CCDC66: variants seen among roughly 807,000 people sequenced by gnomAD.
The protein encoded by CCDC66 is coiled-coil domain-containing protein 66.
A neutral mutation model predicts 128.3 loss-of-function variants in CCDC66; 133 were observed. The ratio of observed to expected loss-of-function variants is 1.04; its 90% CI spans 0.90 to 1.20. The LOEUF is 1.20. Among genes scored for constraint, CCDC66 ranks in the 50% most tolerant of loss-of-function variants. The probability of loss-of-function intolerance (pLI) is 0.00; values close to 1 mark genes in which losing one functional copy is unlikely to be tolerated. For synonymous variants in CCDC66, 387 were observed against 357.0 expected (o/e 1.08, Z -0.95); for missense variants, 1,126 against 1,075.5 (o/e 1.05, Z -0.66).
intron 7 of CCDC66, among the ~76,000 whole-genome samples, chr3:56,571,864 G>A (rs574909830): frequency 6.6e-6 from 1 of 152,068 alleles, no homozygotes; most frequent in Non-Finnish European, 1.5e-5. Context: ...TACTACAGGT[G>A]TACTCCACCA....
intron 10 of CCDC66, among the ~76,000 whole-genome samples, chr3:56,611,129 T>C (rs767072180): frequency 5.9e-5 from 9 of 152,026 alleles, no homozygotes; most frequent in Non-Finnish European, 8.8e-5. Flanking sequence ...GCCCTAGAAC[T>C]CTCAAGATTA....
At chr3:56,571,084 A>T in intron 6 of CCDC66, 97 bp from the exon 7 acceptor site, 1 of 823,372 alleles carries the variant, frequency 1.2e-6, no homozygotes, top group East Asian at 3.0e-5. Flanking sequence ...TTTTGATTAG[A>T]TCTGTGTTGG....
At chr3:56,619,740 T>G (rs764821849) in intron 16 of CCDC66, 37 bp from the exon 17 acceptor site, 2 of 1,609,092 alleles carry the variant, frequency 1.2e-6, no homozygotes, top group East Asian at 2.2e-5. Context: ...ATTTTACTAA[T>G]GTAATTGACT....
Position 56,617,141 on chromosome 3 carries a change from G to A in CCDC66, c.1873G>A (p.Ala625Thr). 1.9e-6 allele frequency: 3 copies of A among 1,572,048 alleles called. No individual in the cohort carries two copies. Residue 625 changes from alanine to threonine, a missense_variant, in exon 14 of 18, where the codon GCA (alanine) becomes ACA (threonine). Transcript: ENST00000394672. The stretch of plus-strand genomic sequence containing the variant: ...CTTAAATATAGGAATATTCACCAAT[G>A]CAGAATCACATTGTGGATCATTAAT... ...DDLNIGIFTN[A>T]ESHCGSLMER...
At chr3:56,616,968 TGA>T (rs1330875641) in intron 13 of CCDC66, 142 bp from the exon 14 acceptor site, 2 of 558,626 alleles carry the variant, frequency 3.6e-6, no homozygotes, top group Non-Finnish European at 2.9e-6. Context: ...TGTTCTTTAA[TGA>T]GTATAGAGGT....
In CCDC66 at chr3:56,619,716, C is replaced by T. The variant is rs2076101498; in HGVS notation, c.2636-61C>T. 4 of 1,590,334 alleles carry T rather than the reference C, an allele frequency of 2.5e-6. No homozygotes were observed. In the South Asian group the frequency reaches 3.4e-5, roughly 14 times the overall value. ...AATGACTCCTGACAATATTATATAG[C>T]ACAGGGCTATGTCATTTTACTAATG... On this transcript the variant is annotated intron_variant, in intron 16 of 17. Coordinates refer to ENST00000394672, the MANE Select transcript of CCDC66 (RefSeq NM_001141947.3).
At position 56,593,617 on chromosome 3, in the gene CCDC66, C is replaced by A. The variant is rs1485554948; in HGVS notation, c.1195C>A (p.Gln399Lys). Residue 399 changes from glutamine to lysine, a missense_variant, in exon 9 of 18, where the codon CAG (glutamine) becomes AAG (lysine). Gln to Lys is a moderately conservative substitution (Grantham distance 53). Transcript: ENST00000394672. ...PEYFCVSPDTQELADVSSVCT... is the reference protein window; with the variant it reads ...PEYFCVSPDTKELADVSSVCT... ...GTACTTCTGTGTCTCTCCTGACACT[C>A]AGGAGCTGGCTGATGTCAGCAGTGT... 1 of 1,613,534 alleles carries A rather than the reference C, an allele frequency of 6.2e-7. No individual in the cohort carries two copies. Among genetic ancestry groups the A allele is most frequent in the African/African-American group, 1.3e-5 (1 of 74,440 alleles).
chr3:56,612,834 G>A (rs1298323530), intron 10 of CCDC66, among the ~76,000 whole-genome samples: 2 of 152,208 alleles, frequency 1.3e-5, no homozygotes, highest in Non-Finnish European at 1.5e-5. Flanking sequence ...TTGGTTACTG[G>A]TGGAGATGCA....
chr3:56,594,652 C>T lies in CCDC66; in HGVS notation c.1404+624C>T, dbSNP rs148990128. On this transcript the variant is annotated intron_variant, in intron 10 of 17. Coordinates refer to ENST00000394672, the MANE Select transcript of CCDC66 (RefSeq NM_001141947.3). ...GAGCTGAGATTGTGCTACTGCACTC[C>T]AGCCTGGGCGACAGAGTGAGACTCC... Among the ~76,000 whole-genome samples the T allele has an allele frequency of 3.0e-3, 451 of 150,540 alleles. 4 individuals carry two copies. Among genetic ancestry groups the T allele is most frequent in the African/African-American group, 0.01 (422 of 41,098 alleles).
intron 1 of CCDC66, 73 bp from the exon 2 acceptor site, chr3:56,558,773 A>G (rs1453560409): frequency 2.0e-6 from 2 of 1,004,744 alleles, no homozygotes; most frequent in East Asian, 2.6e-5. Context: ...GTCAGGTTCA[A>G]ATGAACATTT....
chr3:56,619,224 A>T (rs1326830271), intron 15 of CCDC66, 47 bp from the exon 16 acceptor site: 2 of 1,370,928 alleles, frequency 1.5e-6, no homozygotes, highest in East Asian at 5.0e-5. Context: ...TTAAAGAGAT[A>T]TACTTAATCT....
chr3:56,612,287 CAGTATCTGT>C (rs1221673367), intron 10 of CCDC66, among the ~76,000 whole-genome samples: 1 of 152,054 alleles, frequency 6.6e-6, no homozygotes. Flanking sequence ...TGGCCGAAAA[CAGTATCTGT>C]GGTATCTGTA....
At chr3:56,599,551 C>G (rs1397573331) in intron 10 of CCDC66, among the ~76,000 whole-genome samples, 1 of 151,996 alleles carries the variant, frequency 6.6e-6, no homozygotes, top group African/African-American at 2.4e-5. Flanking sequence ...CCTCTTAGCA[C>G]TGCTTTTGCT....
intron 7 of CCDC66, among the ~76,000 whole-genome samples, chr3:56,583,761 A>G (rs1480787395): frequency 1.3e-5 from 2 of 151,768 alleles, no homozygotes; most frequent in Admixed American, 6.6e-5. Flanking sequence ...CCCCTTTTCT[A>G]TTCCACAAAA....
intron 10 of CCDC66, among the ~76,000 whole-genome samples, chr3:56,605,339 G>A (rs566438939): frequency 6.6e-6 from 1 of 152,162 alleles, no homozygotes; most frequent in Admixed American, 6.5e-5. Flanking sequence ...ATCCTTTGGA[G>A]GAGAAGAGGC....
At chr3:56,565,620 T>C (rs1019199927) in intron 4 of CCDC66, among the ~76,000 whole-genome samples, 1 of 149,638 alleles carries the variant, frequency 6.7e-6, no homozygotes, top group Non-Finnish European at 1.5e-5. Flanking sequence ...TTTTTATTTA[T>C]TATTATTATT....
intron 10 of CCDC66, among the ~76,000 whole-genome samples, chr3:56,610,865 C>G (rs2074698486): frequency 6.6e-6 from 1 of 152,202 alleles, no homozygotes; most frequent in South Asian, 2.1e-4. Flanking sequence ...CCCAGTGAGT[C>G]TACTTGGCTC....
chr3:56,578,915 T>C (rs146501509), intron 7 of CCDC66, among the ~76,000 whole-genome samples: 6,358 of 151,816 alleles, frequency 0.042, 404 homozygotes, highest in East Asian at 0.23. Flanking sequence ...CAGGATGATG[T>C]TGGTCTCATA....
chr3:56,613,281 C>T (rs1370050610), intron 10 of CCDC66, among the ~76,000 whole-genome samples: 3 of 152,112 alleles, frequency 2.0e-5, no homozygotes, highest in Non-Finnish European at 4.4e-5. Context: ...TGTAGGAGTC[C>T]TTGATGGGCA....
Sources: allele counts gnomAD v4.1 joint callset (sites outside exome capture counted in the v4.1 genomes callset), GRCh38; gene constraint gnomAD v4.1.1; transcripts MANE v1.5; gene names NCBI Gene and HGNC (gene_info 2026-07-23, HGNC 2026-07-21).